The following PRKAR2A variants were observed in gnomAD, a reference collection of about 807,000 sequenced individuals.
PRKAR2A encodes the protein protein kinase cAMP-dependent type II regulatory subunit alpha.
A neutral mutation model predicts 51.9 loss-of-function variants in PRKAR2A; 29 were observed. The ratio of observed to expected loss-of-function variants is 0.56; its 90% confidence interval spans 0.42 to 0.76. The LOEUF is 0.76. Ranked by LOEUF, PRKAR2A falls within the 30% of genes least tolerant of loss-of-function variation. The pLI is 0.00. For synonymous variants in PRKAR2A, 178 were observed against 186.2 expected (o/e 0.96, Z 0.36); for missense variants, 445 against 512.1 (o/e 0.87, Z 1.26).
intron 1 of PRKAR2A, among the ~76,000 whole-genome samples, chr3:48,831,928 C>A (rs890471238): frequency 5.3e-5 from 8 of 152,180 alleles, no homozygotes; most frequent in South Asian, 4.2e-4. Flanking sequence ...TCCAAAAAAT[C>A]TTCATCCGAA....
chr3:48,756,027 G>A (rs888884303), intron 9 of PRKAR2A, among the ~76,000 whole-genome samples: 5 of 151,590 alleles, frequency 3.3e-5, no homozygotes, highest in South Asian at 2.1e-4. Flanking sequence ...TGATCCGCCC[G>A]CCTTGCCCTC....
chr3:48,824,800 G>C (rs1310107351), intron 1 of PRKAR2A, among the ~76,000 whole-genome samples: 1 of 151,466 alleles, frequency 6.6e-6, no homozygotes, highest in Non-Finnish European at 1.5e-5. Flanking sequence ...ACAAAAATTA[G>C]TCAGGCATCA....
chr3:48,840,483 C>T (rs1666193879), intron 1 of PRKAR2A, among the ~76,000 whole-genome samples: 1 of 149,304 alleles, frequency 6.7e-6, no homozygotes, highest in African/African-American at 2.4e-5. Context: ...GACAGAGCAA[C>T]ACTCGGTCTT....
At chr3:48,776,521 T>C (rs1403209078) in intron 5 of PRKAR2A, among the ~76,000 whole-genome samples, 1 of 152,116 alleles carries the variant, frequency 6.6e-6, no homozygotes, top group Non-Finnish European at 1.5e-5. Flanking sequence ...CTCACGCCTG[T>C]GTATGTGTGT....
rs568294373 is a variant in PRKAR2A, at chr3:48,831,567, C to T, written c.262+15768G>A. On this transcript the variant is annotated intron_variant, in intron 1 of 10. Transcript: ENST00000265563. ...TTGTAGAGATGGGGTCTTGCTATGTCGCCCAGGCTGGTCCTAGGCCTCTGG... is the reference window on the plus strand; with the variant it reads ...TTGTAGAGATGGGGTCTTGCTATGTTGCCCAGGCTGGTCCTAGGCCTCTGG... Among the ~76,000 whole-genome samples, 7 of 151,912 alleles carry T rather than the reference C, an allele frequency of 4.6e-5. No homozygotes were observed. The South Asian group carries it at 1.0e-3, about 23-fold the overall frequency.
intron 1 of PRKAR2A, among the ~76,000 whole-genome samples, chr3:48,846,334 A>T (rs770261174): frequency 6.6e-5 from 10 of 151,136 alleles, no homozygotes; most frequent in Non-Finnish European, 1.2e-4. Flanking sequence ...TCCCTGCCTC[A>T]GCCTCCCAAG....
chr3:48,792,455 CT>C lies in PRKAR2A; in HGVS notation c.351+1541del, dbSNP rs983032500. On this transcript the variant is annotated intron_variant, in intron 3 of 10. Transcript: ENST00000265563. ...GTGACTGGCCCACTAAAGGTTTAAT[CT>C]TTTTTTTTTTTTTTTTTTTTTTTGA... is the stretch of plus-strand genomic sequence containing the variant. Among the ~76,000 whole-genome samples the C allele has an allele frequency of 6.8e-3, 456 of 66,830 alleles. 4 individuals carry two copies. The highest frequency in any genetic ancestry group is 0.017 in the African/African-American group (310 of 17,734). 43.8% of individuals were successfully genotyped at this position (66,830 alleles called of 152,430 possible).
intron 1 of PRKAR2A, among the ~76,000 whole-genome samples, chr3:48,817,770 A>G (rs2107392901): frequency 6.6e-6 from 1 of 151,990 alleles, no homozygotes; most frequent in East Asian, 1.9e-4. Flanking sequence ...TTTAAAAACA[A>G]AAACAATGGA....
intron 1 of PRKAR2A, among the ~76,000 whole-genome samples, chr3:48,832,046 C>T (rs1272155927): frequency 6.6e-6 from 1 of 152,068 alleles, no homozygotes; most frequent in Admixed American, 6.6e-5. Context: ...GTAATTCCAG[C>T]ACTTTGGGAG....
chr3:48,754,395 G>A (rs945955550), intron 9 of PRKAR2A, among the ~76,000 whole-genome samples: 3 of 151,778 alleles, frequency 2.0e-5, no homozygotes, highest in African/African-American at 7.3e-5. Flanking sequence ...GTGCCACCAC[G>A]CCCGGCTAAT....
At position 48,833,374 on chromosome 3, in the gene PRKAR2A, C is replaced by T. The variant is rs966253086; in HGVS notation, c.262+13961G>A. Among the ~76,000 whole-genome samples the T allele has an allele frequency of 3.3e-5, 5 of 152,070 alleles. No individual in the cohort carries two copies. The East Asian group carries it at 9.6e-4, about 29-fold the overall frequency. On this transcript the variant is annotated intron_variant, in intron 1 of 10. Coordinates refer to ENST00000265563, the MANE Select transcript of PRKAR2A (RefSeq NM_004157.4). ...AAAATAATCATATTTCCTTAAGAAG[C>T]GTCACCATATAAACAGCCCACGGTT...
intron 2 of PRKAR2A, among the ~76,000 whole-genome samples, chr3:48,794,587 C>G (rs926625677): frequency 6.6e-6 from 1 of 151,356 alleles, no homozygotes. Context: ...CCCAGCTACT[C>G]GGGAGGCTGA....
At chr3:48,783,436 T>C (rs1056959054) in intron 4 of PRKAR2A, among the ~76,000 whole-genome samples, 2 of 152,244 alleles carry the variant, frequency 1.3e-5, no homozygotes, top group East Asian at 1.9e-4. Flanking sequence ...TAAAGTCATA[T>C]GCTCCCACCT....
Position 48,790,643 on chromosome 3 carries a change from A to C in PRKAR2A, c.352-16T>G. On this transcript the variant is annotated splice_polypyrimidine_tract_variant and intron_variant, in intron 3 of 10. Coordinates refer to ENST00000265563, the MANE Select transcript of PRKAR2A (RefSeq NM_004157.4). Reference sequence around the variant, plus strand: ...GATGAATCACCTGCCAATCCAAATAAAACCATGGAAACTGTTTTATTCCAT... The same window carrying C: ...GATGAATCACCTGCCAATCCAAATACAACCATGGAAACTGTTTTATTCCAT... 7.2e-7 allele frequency: 1 copy of C among 1,394,554 alleles called. No homozygotes were observed. The highest frequency in any genetic ancestry group is 9.5e-7 in the Non-Finnish European group (1 of 1,051,360). The allele number at this position is 1,394,554 out of a possible 1,614,324, so 86.4% of individuals were successfully genotyped here.
At chr3:48,842,434 C>G (rs1383637540) in intron 1 of PRKAR2A, among the ~76,000 whole-genome samples, 5 of 152,268 alleles carry the variant, frequency 3.3e-5, no homozygotes, top group Non-Finnish European at 5.9e-5. Flanking sequence ...GCCCTGGCCA[C>G]AACTTCCAAC....
At chr3:48,761,066 G>A (rs570780616) in intron 8 of PRKAR2A, among the ~76,000 whole-genome samples, 2 of 152,002 alleles carry the variant, frequency 1.3e-5, no homozygotes, top group Non-Finnish European at 2.9e-5. Flanking sequence ...GGAGGATCAC[G>A]AGGTCAGGAG....
At chr3:48,794,785 GAAGA>G (rs552914086) in intron 2 of PRKAR2A, among the ~76,000 whole-genome samples, 36 of 152,282 alleles carry the variant, frequency 2.4e-4, no homozygotes, top group African/African-American at 7.7e-4. Context: ...ATCCCTTGCA[GAAGA>G]AAGGACTTCC....
At chr3:48,773,238 AC>A (rs2082054873) in intron 5 of PRKAR2A, 130 bp from the exon 6 acceptor site, 5 of 735,890 alleles carry the variant, frequency 6.8e-6, no homozygotes, top group African/African-American at 1.8e-5. Context: ...TATAAAAAAA[AC>A]ATATTTTTGT....
intron 1 of PRKAR2A, among the ~76,000 whole-genome samples, chr3:48,846,219 CT>C (rs11340522): frequency 0.78 from 99,659 of 127,172 alleles, 39,020 homozygotes; most frequent in East Asian, 0.98. Context: ...TTTCCTTTTT[CT>C]TTTTTTTTTT....
Sources: gnomAD v4.1 joint callset for allele counts (sites outside exome capture counted in the v4.1 genomes callset) on GRCh38, gnomAD v4.1.1 for gene constraint, MANE v1.5 for transcripts, NCBI Gene and HGNC (gene_info 2026-07-23, HGNC 2026-07-21) for gene names.